CTTNBP2NL: variants seen among roughly 807,000 people sequenced by gnomAD.
CTTNBP2NL encodes CTTNBP2 N-terminal-like protein.
CTTNBP2NL carries 16 observed loss-of-function variants against 32.5 expected under a neutral mutation model. That is an observed-to-expected ratio of 0.49 (90% CI 0.33 to 0.75). The LOEUF is 0.75. Ranked by LOEUF, CTTNBP2NL falls within the 30% of genes least tolerant of loss-of-function variation. CTTNBP2NL has a pLI of 0.02. For missense variants in CTTNBP2NL, 645 were observed against 756.0 expected (o/e 0.85, Z 1.72); for synonymous variants, 298 against 289.4 (o/e 1.03, Z -0.30).
At chr1:112,419,427 A>G (rs1268852513) in intron 3 of CTTNBP2NL, among the ~76,000 whole-genome samples, 1 of 152,214 alleles carries the variant, frequency 6.6e-6, no homozygotes, top group Non-Finnish European at 1.5e-5. Flanking sequence ...GTGCCAAAAT[A>G]TAGAAAACAA....
chr1:112,419,485 CAT>C (rs1649161006), intron 3 of CTTNBP2NL, among the ~76,000 whole-genome samples: 1 of 152,038 alleles, frequency 6.6e-6, no homozygotes, highest in South Asian at 2.1e-4. Flanking sequence ...CAGCTATGAT[CAT>C]ATAGTGGTTA....
In CTTNBP2NL at chr1:112,457,161, A is replaced by G. The variant is rs779486952; in HGVS notation, c.1669A>G (p.Ser557Gly). The G allele has an allele frequency of 6.8e-6, 11 of 1,614,082 alleles. No individual in the cohort carries two copies. In the South Asian group the frequency reaches 1.2e-4, roughly 18 times the overall value. The change falls in exon 6 of 6, where the codon AGT becomes GGT. Residue 557 changes from serine (S) to glycine (G), a missense_variant. Ser to Gly is a moderately conservative substitution (Grantham distance 56, BLOSUM62 0). Coordinates refer to ENST00000271277, the MANE Select transcript of CTTNBP2NL (RefSeq NM_018704.3). ...SHSPTPGKVS[S>G]PLSPLSPGIK... ...TTCACCTACTCCAGGGAAAGTGTCC[A>G]GTCCCCTGAGCCCCCTGTCTCCAGG...
intron 3 of CTTNBP2NL, among the ~76,000 whole-genome samples, chr1:112,425,025 T>C (rs958113109): frequency 6.6e-6 from 1 of 151,208 alleles, no homozygotes; most frequent in African/African-American, 2.4e-5. Context: ...GAGCTCACTG[T>C]GTTGCCCAGG....
chr1:112,410,424 TA>T (rs1648819899), intron 1 of CTTNBP2NL, among the ~76,000 whole-genome samples: 1 of 152,036 alleles, frequency 6.6e-6, no homozygotes, highest in Admixed American at 6.6e-5. Context: ...ACTTAGCCCT[TA>T]AATGGGTTTA....
intron 3 of CTTNBP2NL, among the ~76,000 whole-genome samples, chr1:112,423,621 G>A (rs1649297593): frequency 6.6e-6 from 1 of 151,646 alleles, no homozygotes; most frequent in Non-Finnish European, 1.5e-5. Context: ...TCTCTTAACT[G>A]TATCTTAAGA....
At chr1:112,398,380 A>G (rs933571200) in intron 1 of CTTNBP2NL, among the ~76,000 whole-genome samples, 1 of 152,166 alleles carries the variant, frequency 6.6e-6, no homozygotes, top group Non-Finnish European at 1.5e-5. Context: ...TGAATTATAA[A>G]TTCTTTGAGG....
At chr1:112,430,613 A>T (rs541793979) in intron 3 of CTTNBP2NL, among the ~76,000 whole-genome samples, 34 of 128,900 alleles carry the variant, frequency 2.6e-4, no homozygotes, top group African/African-American at 9.8e-4. Flanking sequence ...GAGTGCAGTG[A>T]CGTGATCTCG....
At chr1:112,446,056 A>G (rs1650026218) in intron 3 of CTTNBP2NL, among the ~76,000 whole-genome samples, 1 of 152,194 alleles carries the variant, frequency 6.6e-6, no homozygotes. Flanking sequence ...CTTTACCATC[A>G]CTAACCATAC....
Position 112,449,161 on chromosome 1 carries a change from A to G in CTTNBP2NL, c.319A>G (p.Arg107Gly), listed in dbSNP as rs1650143695. ...MLSQLAAAES[R>G]HRKVILDLEE... ...GTCCCAGCTGGCTGCTGCTGAGAGC[A>G]GGCACCGAAAGGTAGGTTCACCTCA... Residue 107 changes from arginine (R) to glycine (G), a missense_variant, in exon 4 of 6, where the codon AGG (arginine) becomes GGG (glycine). Physicochemically the swap from Arg to Gly is moderately radical, Grantham distance 125. Transcript: ENST00000271277. 1.3e-6 allele frequency: 2 copies of G among 1,599,456 alleles called. No homozygotes were observed. Among genetic ancestry groups the G allele is most frequent in the Non-Finnish European group, 1.7e-6 (2 of 1,167,032 alleles).
chr1:112,415,813 C>T, intron 2 of CTTNBP2NL: 2 of 251,204 alleles, frequency 8.0e-6, no homozygotes, highest in Non-Finnish European at 1.5e-5. Flanking sequence ...CCTTAGCCTC[C>T]CAAAGTGCTG....
chr1:112,443,443 A>G (rs1649951861), intron 3 of CTTNBP2NL, among the ~76,000 whole-genome samples: 1 of 152,128 alleles, frequency 6.6e-6, no homozygotes. Context: ...TGAACTCCTC[A>G]CCTGAAGTCA....
intron 1 of CTTNBP2NL, among the ~76,000 whole-genome samples, chr1:112,397,771 C>T (rs901874826): frequency 4.6e-5 from 7 of 152,148 alleles, no homozygotes; most frequent in Non-Finnish European, 1.0e-4. Flanking sequence ...AGTCTACCTC[C>T]CCTCTGTCAG....
upstream of CTTNBP2NL, among the ~76,000 whole-genome samples, chr1:112,393,025 T>C (rs559886534): frequency 2.6e-3 from 399 of 152,238 alleles, 3 homozygotes; most frequent in African/African-American, 9.1e-3. Flanking sequence ...GCCCAGCTAA[T>C]TTTTGTATTG....
intron 3 of CTTNBP2NL, among the ~76,000 whole-genome samples, chr1:112,418,549 T>G (rs1649131187): frequency 6.6e-6 from 1 of 152,196 alleles, no homozygotes; most frequent in Middle Eastern, 3.4e-3. Context: ...TGGTTTTCTG[T>G]TTTAGAAGGA....
intron 3 of CTTNBP2NL, 33 bp downstream of exon 3, chr1:112,416,297 A>C: frequency 9.5e-7 from 1 of 1,055,556 alleles, no homozygotes; most frequent in East Asian, 2.4e-5. Flanking sequence ...AGAGGTCATC[A>C]TACATTGTGA....
intron 3 of CTTNBP2NL, among the ~76,000 whole-genome samples, chr1:112,430,517 C>T (rs997495565): frequency 7.0e-5 from 10 of 143,280 alleles, no homozygotes; most frequent in East Asian, 2.2e-4. Flanking sequence ...GGATTACAGG[C>T]GTGAGCCACC....
chr1:112,454,449 G>C lies in CTTNBP2NL; in HGVS notation c.331G>C (p.Val111Leu), dbSNP rs756468916. The C allele has an allele frequency of 1.2e-6, 2 of 1,610,584 alleles. No individual in the cohort carries two copies. The highest frequency in any genetic ancestry group is 2.2e-5 in the South Asian group (2 of 90,796). The stretch of plus-strand genomic sequence containing the variant: ...ATGAAATTTAAAAAATTCTTTAAAG[G>C]TGATCCTAGACCTTGAGGAAGAAAG... ...LAAAESRHRK[V>L]ILDLEEERQR... The change falls in exon 5 of 6, where the codon GTG becomes CTG. Residue 111 changes from valine (V) to leucine (L), a missense_variant and splice_region_variant. Coordinates refer to ENST00000271277, the MANE Select transcript of CTTNBP2NL (RefSeq NM_018704.3).
intron 2 of CTTNBP2NL, among the ~76,000 whole-genome samples, chr1:112,413,774 G>T (rs181558673): frequency 3.3e-5 from 5 of 152,176 alleles, no homozygotes; most frequent in Non-Finnish European, 1.5e-5. Context: ...GAGGCTGGGC[G>T]TGGTGGCTCA....
intron 4 of CTTNBP2NL, 138 bp downstream of exon 4, chr1:112,449,310 G>C: frequency 1.8e-6 from 1 of 547,874 alleles, no homozygotes. Flanking sequence ...CTTAGTTTAT[G>C]TAAGAGCCAG....
Sources: allele counts gnomAD v4.1 joint callset (sites outside exome capture counted in the v4.1 genomes callset), GRCh38; gene constraint gnomAD v4.1.1; transcripts MANE v1.5; gene names NCBI Gene and HGNC (gene_info 2026-07-23, HGNC 2026-07-21).